XIRP2: variants seen among roughly 807,000 people sequenced by gnomAD.
XIRP2 encodes the protein xin actin binding repeat containing 2.
XIRP2 carries 236 observed loss-of-function variants against 277.0 expected under a neutral mutation model. The observed-to-expected ratio is 0.85, with a 90% CI of 0.77 to 0.95. The LOEUF (loss-of-function observed/expected upper bound fraction) is 0.95, where lower values mean the gene tolerates loss of function less well. XIRP2 is among the 40% of genes least tolerant of loss of function. The pLI is 0.00. For missense variants in XIRP2, 4,640 were observed against 4,157.5 expected, an observed-to-expected ratio of 1.12 and a Z score of -3.19; for synonymous variants, 1,490 against 1,416.5, an observed-to-expected ratio of 1.05 and a Z score of -1.17.
intron 2 of XIRP2, among the ~76,000 whole-genome samples, chr2:167,046,181 A>C (rs1388582987): frequency 6.6e-6 from 1 of 152,026 alleles, no homozygotes; most frequent in Admixed American, 6.6e-5. Flanking sequence ...GGTGTACAGA[A>C]ATACTACTAA....
chr2:167,032,091 G>T (rs940767036), intron 2 of XIRP2, among the ~76,000 whole-genome samples: 15 of 152,038 alleles, frequency 9.9e-5, no homozygotes, highest in African/African-American at 3.4e-4. Flanking sequence ...GTATGGTACT[G>T]GTACCAAAAC....
Position 167,249,025 on chromosome 2 carries a change from A to G in XIRP2, c.7633A>G (p.Met2545Val), listed in dbSNP as rs372791859. ...PYMRKFKTPL[M>V]IAEEKYRQQK... ...TATGAGAAAATTTAAGACACCTTTAATGATTGCTGAAGAAAAATATAGACA... is the reference window on the plus strand; with the variant it reads ...TATGAGAAAATTTAAGACACCTTTAGTGATTGCTGAAGAAAAATATAGACA... Residue 2545 changes from methionine (M) to valine (V), a missense_variant, in exon 9 of 11, where the codon ATG becomes GTG. Met to Val is a conservative substitution (Grantham distance 21, BLOSUM62 1). Coordinates refer to ENST00000409195, the MANE Select transcript of XIRP2 (RefSeq NM_152381.6). 1 of 1,611,764 alleles carries G rather than the reference A, an allele frequency of 6.2e-7. No homozygotes were observed.
chr2:166,951,939 C>T (rs1427025745), intron 2 of XIRP2, among the ~76,000 whole-genome samples: 2 of 152,002 alleles, frequency 1.3e-5, no homozygotes, highest in African/African-American at 2.4e-5. Context: ...AATCGTGCTT[C>T]GAACTTTTAT....
chr2:166,971,463 A>G (rs1350257018), intron 2 of XIRP2, among the ~76,000 whole-genome samples: 1 of 152,108 alleles, frequency 6.6e-6, no homozygotes, highest in African/African-American at 2.4e-5. Context: ...ATTTTGATTC[A>G]TTAGAGCACA....
chr2:167,026,613 T>C (rs1688168750), intron 2 of XIRP2, among the ~76,000 whole-genome samples: 1 of 152,202 alleles, frequency 6.6e-6, no homozygotes, highest in African/African-American at 2.4e-5. Context: ...TTTCCATGTT[T>C]ACTGCTTCCT....
chr2:166,906,063 TTA>T (rs1421628753), intron 2 of XIRP2, among the ~76,000 whole-genome samples: 1 of 152,018 alleles, frequency 6.6e-6, no homozygotes, highest in African/African-American at 2.4e-5. Flanking sequence ...ACTCTGACAT[TTA>T]TGTTTTTTGA....
intron 2 of XIRP2, among the ~76,000 whole-genome samples, chr2:167,082,663 T>C (rs1295711510): frequency 6.6e-6 from 1 of 152,258 alleles, no homozygotes; most frequent in Non-Finnish European, 1.5e-5. Context: ...TGGTATCTCA[T>C]TGTGGTTTTG....
At chr2:167,000,748 T>G (rs1397697) in intron 2 of XIRP2, among the ~76,000 whole-genome samples, 49,312 of 152,002 alleles carry the variant, frequency 0.32, 8,655 homozygotes, top group African/African-American at 0.44. Flanking sequence ...ATATTCCAAT[T>G]GTTTCAAATT....
At chr2:166,950,340 A>G (rs1413901227) in intron 2 of XIRP2, among the ~76,000 whole-genome samples, 3 of 151,988 alleles carry the variant, frequency 2.0e-5, no homozygotes. Flanking sequence ...GCTTCCCATT[A>G]TTATATCTGC....
intron 2 of XIRP2, among the ~76,000 whole-genome samples, chr2:167,004,178 G>A (rs1687445022): frequency 6.6e-6 from 1 of 151,742 alleles, no homozygotes; most frequent in Non-Finnish European, 1.5e-5. Context: ...ATATAAGAAG[G>A]CAACAGCCAT....
Position 167,119,715 on chromosome 2 carries a change from C to A in XIRP2, c.409-16194C>A, listed in dbSNP as rs74739664. ...GCTCTAAAGACTACAGAGATAATTA[C>A]AATTCAAAGCACACAGTTTCAGAAT... is the stretch of plus-strand genomic sequence containing the variant. On this transcript the variant is annotated intron_variant, in intron 2 of 10. Coordinates refer to ENST00000409195, the MANE Select transcript of XIRP2 (RefSeq NM_152381.6). 9.8e-3 allele frequency among the ~76,000 whole-genome samples: 1,497 copies of A among 152,288 alleles called. 23 individuals are homozygous for A. The highest frequency in any genetic ancestry group is 0.034 in the African/African-American group (1,426 of 41,552).
chr2:167,086,111 T>C (rs1457725981), intron 2 of XIRP2, among the ~76,000 whole-genome samples: 2 of 152,194 alleles, frequency 1.3e-5, no homozygotes, highest in Non-Finnish European at 2.9e-5. Flanking sequence ...TAGCACTTCC[T>C]TCAGGAGCTC....
chr2:166,966,511 A>C (rs1032271909), intron 2 of XIRP2, among the ~76,000 whole-genome samples: 1 of 151,868 alleles, frequency 6.6e-6, no homozygotes, highest in Non-Finnish European at 1.5e-5. Flanking sequence ...AAAAGTTGTG[A>C]TGCTCCTCAG....
intron 2 of XIRP2, among the ~76,000 whole-genome samples, chr2:166,971,624 G>A (rs1417002578): frequency 6.6e-6 from 1 of 151,978 alleles, no homozygotes; most frequent in Non-Finnish European, 1.5e-5. Context: ...CTGATATCAT[G>A]ACTTTTTTCA....
intron 3 of XIRP2, among the ~76,000 whole-genome samples, chr2:167,168,500 T>C (rs557332768): frequency 5.9e-4 from 90 of 152,364 alleles, no homozygotes; most frequent in African/African-American, 2.1e-3. Flanking sequence ...AGAGGTACTT[T>C]CCTCAGCTGT....
intron 2 of XIRP2, among the ~76,000 whole-genome samples, chr2:167,032,940 C>T (rs570966593): frequency 3.8e-4 from 58 of 152,256 alleles, no homozygotes; most frequent in African/African-American, 1.4e-3. Context: ...AATCCCAATA[C>T]TGGATATATA....
rs202167735 is a variant in XIRP2, at chr2:167,246,734, T to C, written c.5342T>C (p.Ile1781Thr). The part of the protein sequence containing the change: ...AKKQEGEKEI[I>T]GGDVEGTKLL... ...AAACAAGAAGGAGAGAAAGAAATCA[T>C]TGGTGGTGATGTTGAAGGTACAAAA... Residue 1781 changes from isoleucine to threonine, a missense_variant, in exon 9 of 11, where the codon ATT becomes ACT. Physicochemically the swap from Ile to Thr is moderately conservative, Grantham distance 89. Transcript: ENST00000409195. 951 of 1,613,700 alleles carry C rather than the reference T, an allele frequency of 5.9e-4. 4 individuals are homozygous for C. In the African/African-American group the frequency reaches 0.01, roughly 17 times the overall value.
chr2:167,149,994 C>T (rs1024964354), intron 3 of XIRP2, among the ~76,000 whole-genome samples: 2 of 151,718 alleles, frequency 1.3e-5, no homozygotes, highest in South Asian at 2.1e-4. Context: ...TATATGAAAA[C>T]GTGGGGTACT....
intron 2 of XIRP2, among the ~76,000 whole-genome samples, chr2:167,080,023 C>CATAAA (rs1223351247): frequency 1.7e-4 from 25 of 151,288 alleles, no homozygotes; most frequent in Admixed American, 3.3e-4. Flanking sequence ...TTTATCCAAA[C>CATAAA]ATAAAATAAA....
Sources: gnomAD v4.1 joint callset for allele counts (sites outside exome capture counted in the v4.1 genomes callset) on GRCh38, gnomAD v4.1.1 for gene constraint, MANE v1.5 for transcripts, NCBI Gene and HGNC (gene_info 2026-07-23, HGNC 2026-07-21) for gene names.